The following OR7E24 variants were observed in gnomAD, a reference collection of about 807,000 sequenced individuals.
OR7E24 encodes the protein olfactory receptor 7E24.
For missense variants in OR7E24, 385 were observed against 410.3 expected (o/e 0.94, Z 0.53); for synonymous variants, 130 against 157.5 (o/e 0.83, Z 1.31).
rs2066150070 is a variant in OR7E24, at chr19:9,251,839, G to T, written c.796G>T (p.Val266Phe). The change falls in exon 1 of 1, where the codon GTT becomes TTT. Residue 266 changes from valine to phenylalanine, a missense_variant. Physicochemically the swap from Val to Phe is conservative, Grantham distance 50 (BLOSUM62 -1). Transcript: ENST00000456448. ...FSTCGSHLAV[V>F]CLFYGTGLVG... ...CACCTGTGGCTCTCACCTGGCAGTT[G>T]TTTGCTTATTTTATGGAACAGGGCT... The T allele has an allele frequency of 1.9e-6, 3 of 1,613,976 alleles. No homozygotes were observed. The highest frequency in any genetic ancestry group is 1.1e-5 in the South Asian group (1 of 91,066).
At chr19:9,244,279 T>C (rs2066123590), upstream of OR7E24, among the ~76,000 whole-genome samples, 1 of 152,226 alleles carries the variant, frequency 6.6e-6, no homozygotes, top group Non-Finnish European at 1.5e-5. Context: ...GGTCTCACAT[T>C]TCCTGGTTTC....
chr19:9,245,981 A>G (rs115818977), upstream of OR7E24, among the ~76,000 whole-genome samples: 8,058 of 147,188 alleles, frequency 0.055, 458 homozygotes, highest in African/African-American at 0.15. Context: ...AATCCTTCAT[A>G]GTCTGGTGAG....
the OR7E24 span, chr19:9,214,440 G>T: frequency 3.1e-6 from 5 of 1,613,952 alleles, no homozygotes; most frequent in Non-Finnish European, 4.2e-6. Context: ...CATGATGACC[G>T]TGTAGTGCAG....
chr19:9,233,110 T>C, the OR7E24 span, among the ~76,000 whole-genome samples: 1 of 152,166 alleles, frequency 6.6e-6, no homozygotes, highest in Non-Finnish European at 1.5e-5. Flanking sequence ...GTCTATTCTT[T>C]CCTTGCTTCC....
At chr19:9,207,304 T>G in the OR7E24 span, 1 of 151,056 alleles carries the variant, frequency 6.6e-6, no homozygotes, top group Non-Finnish European at 1.5e-5. Context: ...TTTAGTTTTC[T>G]TTCTTTTTTT....
chr19:9,250,308 C>T (rs147205078), upstream of OR7E24, among the ~76,000 whole-genome samples: 196 of 152,152 alleles, frequency 1.3e-3, 1 homozygote, highest in African/African-American at 4.5e-3. Flanking sequence ...TTTTCCAGGC[C>T]GGTCTTAAAC....
chr19:9,251,273 T>C lies in OR7E24; in HGVS notation c.230T>C (p.Met77Thr). The C allele has an allele frequency of 6.2e-7, 1 of 1,614,068 alleles. No homozygotes were observed. Among genetic ancestry groups the C allele is most frequent in the South Asian group, 1.1e-5 (1 of 91,084 alleles). ...TCTGACTCCCACCTCCACACCCCCA[T>C]GTACTTCTTCCTCTCCAACCTGTCC... ...VSSDSHLHTP[M>T]YFFLSNLSLA... The change falls in exon 1 of 1, where the codon ATG becomes ACG. Residue 77 changes from methionine to threonine, a missense_variant. By Grantham distance (81) the Met-to-Thr change is moderately conservative (BLOSUM62 -1). Transcript: ENST00000456448.
the OR7E24 span, chr19:9,236,089 A>C: frequency 7.2e-7 from 1 of 1,379,538 alleles, no homozygotes. Flanking sequence ...CTTACGGTAC[A>C]CAACCTCAGA....
chr19:9,235,407 G>A, the OR7E24 span: 11 of 1,600,610 alleles, frequency 6.9e-6, no homozygotes, highest in South Asian at 1.1e-4. Context: ...TCCAGGCACG[G>A]AGCAAAGACA....
At chr19:9,217,857 G>A in the OR7E24 span, among the ~76,000 whole-genome samples, 5 of 152,022 alleles carry the variant, frequency 3.3e-5, no homozygotes, top group Admixed American at 1.3e-4. Context: ...GTTAATTAGG[G>A]GAAGTAAGGA....
chr19:9,229,395 C>T, the OR7E24 span, among the ~76,000 whole-genome samples: 2 of 151,800 alleles, frequency 1.3e-5, no homozygotes, highest in African/African-American at 2.4e-5. Flanking sequence ...ATTAGCCGGG[C>T]GTGGTGGCAG....
chr19:9,233,907 CTTT>C, the OR7E24 span, among the ~76,000 whole-genome samples: 2 of 143,634 alleles, frequency 1.4e-5, no homozygotes, highest in Admixed American at 7.0e-5. Context: ...ACATGTCTTT[CTTT>C]TTTTTTTTTT....
chr19:9,233,056 C>G, the OR7E24 span, among the ~76,000 whole-genome samples: 2 of 152,158 alleles, frequency 1.3e-5, no homozygotes, highest in African/African-American at 2.4e-5. Context: ...ACTAAGCTCT[C>G]TGAGTCACGT....
the OR7E24 span, among the ~76,000 whole-genome samples, chr19:9,222,630 T>G: frequency 6.6e-6 from 1 of 152,198 alleles, no homozygotes; most frequent in Non-Finnish European, 1.5e-5. Context: ...GAAACACTAT[T>G]GATTTTTATA....
chr19:9,226,772 C>G, the OR7E24 span, among the ~76,000 whole-genome samples: 2 of 152,198 alleles, frequency 1.3e-5, no homozygotes, highest in African/African-American at 4.8e-5. Flanking sequence ...ACTTTTACAG[C>G]CTTTAGAAGC....
At chr19:9,248,717 T>C (rs2066137277), upstream of OR7E24, among the ~76,000 whole-genome samples, 1 of 152,230 alleles carries the variant, frequency 6.6e-6, no homozygotes, top group African/African-American at 2.4e-5. Flanking sequence ...TGCAGCTCTC[T>C]ACTTCCTCAA....
the OR7E24 span, among the ~76,000 whole-genome samples, chr19:9,227,721 A>G: frequency 1.3e-5 from 2 of 150,868 alleles, no homozygotes; most frequent in African/African-American, 2.4e-5. Flanking sequence ...TATACCCAGT[A>G]ATGGGATTGC....
the OR7E24 span, among the ~76,000 whole-genome samples, chr19:9,221,128 C>T: frequency 2.6e-5 from 4 of 151,194 alleles, no homozygotes; most frequent in Non-Finnish European, 5.9e-5. Context: ...AAAAATTAGC[C>T]GGGCGTGGTG....
chr19:9,246,533 C>T (rs1395482764), upstream of OR7E24, among the ~76,000 whole-genome samples: 2 of 136,798 alleles, frequency 1.5e-5, no homozygotes, highest in Non-Finnish European at 1.6e-5. Flanking sequence ...TCCCCTTGTG[C>T]GTTTCCTGCA....
Sources: allele counts gnomAD v4.1 joint callset (sites outside exome capture counted in the v4.1 genomes callset), GRCh38; gene constraint gnomAD v4.1.1; transcripts MANE v1.5; gene names NCBI Gene and HGNC (gene_info 2026-07-23, HGNC 2026-07-21).